DMXL2: variants seen among roughly 807,000 people sequenced by gnomAD.
DMXL2 encodes dmX-like protein 2.
DMXL2 carries 103 observed loss-of-function variants against 331.1 expected under a neutral mutation model. The ratio of observed to expected loss-of-function variants is 0.31; its 90% CI spans 0.27 to 0.37. The LOEUF is 0.37. DMXL2 is among the 10% of genes least tolerant of loss of function. The pLI is 1.00. For missense variants in DMXL2, 3,171 were observed against 3,642.9 expected (o/e 0.87, Z 3.33); for synonymous variants, 1,281 against 1,252.1 (o/e 1.02, Z -0.49).
intron 7 of DMXL2, among the ~76,000 whole-genome samples, chr15:51,546,646 A>G (rs2048906747): frequency 1.3e-5 from 2 of 152,092 alleles, no homozygotes; most frequent in Admixed American, 6.6e-5. Context: ...TTAATCTTCT[A>G]AATACCTTTA....
At chr15:51,484,256 C>A (rs1331893440) in intron 23 of DMXL2, among the ~76,000 whole-genome samples, 1 of 152,344 alleles carries the variant, frequency 6.6e-6, no homozygotes, top group South Asian at 2.1e-4. Context: ...GGCCAAGTGA[C>A]CATGTACCCA....
At chr15:51,455,033 G>A in intron 40 of DMXL2, 118 bp downstream of exon 40, 1 of 798,108 alleles carries the variant, frequency 1.3e-6, no homozygotes, top group Non-Finnish European at 2.1e-6. Flanking sequence ...GGCTGGGATT[G>A]CTGAAAAAAA....
At chr15:51,587,670 T>A (rs1328785701) in intron 1 of DMXL2, among the ~76,000 whole-genome samples, 1 of 152,184 alleles carries the variant, frequency 6.6e-6, no homozygotes, top group Non-Finnish European at 1.5e-5. Context: ...TTATAAACCT[T>A]TGGGTATATA....
chr15:51,480,617 G>T lies in DMXL2; in HGVS notation c.6489C>A (p.Ser2163Arg). ...AACCACCACCTTGGGCCCCATGAAG[G>T]CTACAGTAGCTGAGAAATACTCTCA... ...DLLRVFLSYC[S>R]LHGAQGGGLA... Residue 2163 changes from serine to arginine, a missense_variant, in exon 24 of 44, where the codon AGC (serine) becomes AGA (arginine). Around this residue, in one of 7 missense-constraint regions of DMXL2, gnomAD observed 197 missense variants for 196.2 expected, o/e 1.00. Coordinates refer to ENST00000560891, the MANE Select transcript of DMXL2 (RefSeq NM_001378457.1). The T allele has an allele frequency of 6.3e-7, 1 of 1,599,274 alleles. No homozygotes were observed. Among genetic ancestry groups the T allele is most frequent in the Non-Finnish European group, 8.5e-7 (1 of 1,170,108 alleles).
At chr15:51,537,442 T>C in intron 11 of DMXL2, 46 bp downstream of exon 11, 2 of 1,514,562 alleles carry the variant, frequency 1.3e-6, no homozygotes, top group South Asian at 1.3e-5. Flanking sequence ...TTATTTCTTT[T>C]TACTATTTTA....
chr15:51,515,695 T>C (rs1281091624), intron 14 of DMXL2, among the ~76,000 whole-genome samples: 1 of 152,078 alleles, frequency 6.6e-6, no homozygotes, highest in African/African-American at 2.4e-5. Context: ...GTGTTAAAAA[T>C]AGGCACAAGG....
intron 20 of DMXL2, among the ~76,000 whole-genome samples, chr15:51,490,660 G>C (rs371755495): frequency 1.9e-4 from 29 of 152,274 alleles, no homozygotes; most frequent in African/African-American, 6.7e-4. Flanking sequence ...GGGTTGATTA[G>C]AACATAACAT....
intron 17 of DMXL2, among the ~76,000 whole-genome samples, chr15:51,502,307 T>TGTGTGG: frequency 3.0e-5 from 1 of 33,088 alleles, no homozygotes; most frequent in African/African-American, 1.0e-4. Flanking sequence ...TTTGTGGGTT[T>TGTGTGG]GTGTGTGTGT....
rs550093992 is a variant in DMXL2, at chr15:51,591,916, A to C, written c.88-15735T>G. Among the ~76,000 whole-genome samples the C allele has an allele frequency of 6.4e-4, 97 of 152,322 alleles. 1 individual carries two copies. The highest frequency in any genetic ancestry group is 2.8e-4 in the Non-Finnish European group (19 of 68,018). On this transcript the variant is annotated intron_variant, in intron 1 of 43. Coordinates refer to ENST00000560891, the MANE Select transcript of DMXL2 (RefSeq NM_001378457.1). Reference sequence around the variant, plus strand: ...ACATCCACACCAAAACCCCATCTGTACGTCACCATCATCAAAGACCAAAGG... The same window carrying C: ...ACATCCACACCAAAACCCCATCTGTCCGTCACCATCATCAAAGACCAAAGG...
chr15:51,520,525 G>A (rs2047295773), intron 13 of DMXL2, among the ~76,000 whole-genome samples: 1 of 152,086 alleles, frequency 6.6e-6, no homozygotes, highest in Non-Finnish European at 1.5e-5. Flanking sequence ...TCTTGCGTAT[G>A]CCACCCCTGT....
At chr15:51,594,408 T>C (rs1171170509) in intron 1 of DMXL2, among the ~76,000 whole-genome samples, 1 of 152,150 alleles carries the variant, frequency 6.6e-6, no homozygotes, top group African/African-American at 2.4e-5. Flanking sequence ...GGCTCTGAAA[T>C]TGAGGCAATA....
Position 51,491,522 on chromosome 15 carries a change from T to C in DMXL2, c.4953+56A>G, listed in dbSNP as rs1466123212. ...GGTTTTCTGGGAGATAGTATCTTTT[T>C]TTCGTTAGGAAAAGGTTTTTTTAAT... On this transcript the variant is annotated intron_variant, in intron 20 of 43. Transcript: ENST00000560891. 2.6e-6 allele frequency: 4 copies of C among 1,518,374 alleles called. No individual in the cohort carries two copies. In the African/African-American group the frequency reaches 4.3e-5, roughly 16 times the overall value. 94.1% of individuals were successfully genotyped at this position (1,518,374 alleles called of 1,614,324 possible). A position where few individuals can be genotyped will look rare whatever the true frequency, so the allele number is the denominator to read the frequency against.
chr15:51,588,019 T>G (rs1345952673), intron 1 of DMXL2, among the ~76,000 whole-genome samples: 1 of 152,206 alleles, frequency 6.6e-6, no homozygotes, highest in African/African-American at 2.4e-5. Flanking sequence ...TGGGGTTGTT[T>G]GTTTTTTTCT....
chr15:51,537,352 A>G, intron 11 of DMXL2, 136 bp downstream of exon 11: 1 of 773,106 alleles, frequency 1.3e-6, no homozygotes, highest in South Asian at 2.0e-5. Flanking sequence ...CTTCTGAAAG[A>G]AAGAAGTATT....
intron 13 of DMXL2, among the ~76,000 whole-genome samples, chr15:51,529,752 T>C (rs1483691147): frequency 2.0e-5 from 3 of 152,128 alleles, no homozygotes; most frequent in Non-Finnish European, 4.4e-5. Context: ...TTCAAACTCA[T>C]TCTATGAGGC....
At chr15:51,504,539 C>A (rs1019230033) in intron 16 of DMXL2, among the ~76,000 whole-genome samples, 1 of 152,134 alleles carries the variant, frequency 6.6e-6, no homozygotes, top group Admixed American at 6.5e-5. Context: ...CCCCATTGGA[C>A]TACAAATTCA....
chr15:51,560,479 C>T (rs1220548099), intron 6 of DMXL2, among the ~76,000 whole-genome samples: 1 of 80,318 alleles, frequency 1.2e-5, no homozygotes, highest in Non-Finnish European at 2.4e-5. Flanking sequence ...CCAGCCTGGG[C>T]AACATAATGA....
chr15:51,499,502 G>A lies in DMXL2; in HGVS notation c.3722C>T (p.Ser1241Phe). 9 of 1,614,096 alleles carry A rather than the reference G, an allele frequency of 5.6e-6. No homozygotes were observed. Among genetic ancestry groups the A allele is most frequent in the Non-Finnish European group, 6.8e-6 (8 of 1,180,026 alleles). Residue 1241 changes from serine to phenylalanine, a missense_variant, in exon 18 of 44, where the codon TCT becomes TTT. This residue lies in a region of DMXL2 where 1,674 missense variants were observed against 1,780.2 expected (regional missense o/e 0.94). Transcript: ENST00000560891. ...AGGCAGTGAAGGAGTACCATCAACA[G>A]AAGATACCAAGTCTATAGATCTAAG... is the stretch of plus-strand genomic sequence containing the variant. ...VLLRSIDLVSSVDGTPSLPVS... is the reference protein window; with the variant it reads ...VLLRSIDLVSFVDGTPSLPVS...
intron 1 of DMXL2, among the ~76,000 whole-genome samples, chr15:51,585,822 C>G (rs2051776870): frequency 6.6e-6 from 1 of 152,138 alleles, no homozygotes; most frequent in African/African-American, 2.4e-5. Flanking sequence ...ATTTATATTT[C>G]TTTCTCTGTA....
Sources: gnomAD v4.1 joint callset for allele counts (sites outside exome capture counted in the v4.1 genomes callset) on GRCh38, gnomAD v4.1.1 for gene constraint, gnomAD v4.1.1 regional missense constraint, MANE v1.5 for transcripts, NCBI Gene and HGNC (gene_info 2026-07-23, HGNC 2026-07-21) for gene names.